Variants in PTPN14 observed in about 807,000 individuals in gnomAD.
PTPN14 encodes the protein tyrosine-protein phosphatase non-receptor type 14.
Under a neutral mutation model 126.8 loss-of-function variants are expected in PTPN14, and 53 were observed. That is an observed-to-expected ratio of 0.42 (90% CI 0.34 to 0.53). The LOEUF is 0.53. Among genes scored for constraint, PTPN14 ranks in the 20% least tolerant of loss-of-function variants. The probability of loss-of-function intolerance (pLI) is 0.08; values close to 1 mark genes in which losing one functional copy is unlikely to be tolerated. For missense variants in PTPN14, 1,257 were observed against 1,552.9 expected, an observed-to-expected ratio of 0.81 and a Z score of 3.20; for synonymous variants, 630 against 599.3, an observed-to-expected ratio of 1.05 and a Z score of -0.75.
chr1:214,516,323 C>T (rs1294291771), intron 1 of PTPN14, among the ~76,000 whole-genome samples: 2 of 152,150 alleles, frequency 1.3e-5, no homozygotes, highest in African/African-American at 4.8e-5. Flanking sequence ...ATGCAAGAGG[C>T]CAAGGTACCA....
At chr1:214,468,917 T>C (rs116794018) in intron 1 of PTPN14, among the ~76,000 whole-genome samples, 1 of 152,330 alleles carries the variant, frequency 6.6e-6, no homozygotes, top group African/African-American at 2.4e-5. Context: ...ATCTAGCTTA[T>C]GTTAAAAATA....
At chr1:214,434,833 CACA>C (rs1659876888) in intron 3 of PTPN14, among the ~76,000 whole-genome samples, 1 of 152,156 alleles carries the variant, frequency 6.6e-6, no homozygotes, top group Non-Finnish European at 1.5e-5. Context: ...GAGGATGTGG[CACA>C]GGATGCCATT....
At chr1:214,381,710 G>A (rs769764065) in intron 13 of PTPN14, among the ~76,000 whole-genome samples, 61 of 152,172 alleles carry the variant, frequency 4.0e-4, no homozygotes, top group Non-Finnish European at 7.1e-4. Context: ...AGGAAGACCT[G>A]GAAATGAAGG....
intron 1 of PTPN14, among the ~76,000 whole-genome samples, chr1:214,498,523 A>G (rs1201697862): frequency 6.6e-6 from 1 of 152,224 alleles, no homozygotes; most frequent in Non-Finnish European, 1.5e-5. Flanking sequence ...ACTGCCACAT[A>G]AACTTACCTA....
intron 1 of PTPN14, among the ~76,000 whole-genome samples, chr1:214,482,290 T>G (rs1327799140): frequency 7.4e-6 from 1 of 134,708 alleles, no homozygotes; most frequent in African/African-American, 2.5e-5. Flanking sequence ...CTAAAGTAGA[T>G]ATCAGGCAAA....
chr1:214,390,611 C>A (rs938015556), intron 11 of PTPN14, among the ~76,000 whole-genome samples: 1 of 152,184 alleles, frequency 6.6e-6, no homozygotes, highest in Non-Finnish European at 1.5e-5. Context: ...TAAGCTCTCT[C>A]TACGGCAGTG....
chr1:214,362,452 C>T (rs1391077860), intron 18 of PTPN14, among the ~76,000 whole-genome samples: 1 of 152,238 alleles, frequency 6.6e-6, no homozygotes, highest in Non-Finnish European at 1.5e-5. Flanking sequence ...CATTTAACCA[C>T]CCTGAGCCTT....
chr1:214,451,375 C>G (rs1264345890), intron 3 of PTPN14, among the ~76,000 whole-genome samples: 1 of 151,984 alleles, frequency 6.6e-6, no homozygotes, highest in Non-Finnish European at 1.5e-5. Flanking sequence ...GCTATGCTGC[C>G]CAGGCTGGTC....
In PTPN14 at chr1:214,384,373, G is replaced by A; in HGVS notation, c.1482C>T (p.His494=). 1 of 1,614,126 alleles carries A rather than the reference G, an allele frequency of 6.2e-7. No homozygotes were observed. The highest frequency in any genetic ancestry group is 8.5e-7 in the Non-Finnish European group (1 of 1,180,030). Residue 494 remains histidine, a synonymous_variant, in exon 13 of 19, where the codon CAC becomes CAT. Transcript: ENST00000366956. This position sits in a 1 kb window ranked among gnomAD's most constrained non-coding sequence, Gnocchi z 5.3. ...VYSQPEMRER[H]PYTVPYGPQG... Reference sequence around the variant, plus strand: ...GTGGCCCATAAGGGACAGTGTAGGGGTGCCTCTCCCGCATCTCCGGTTGGC... The same window carrying A: ...GTGGCCCATAAGGGACAGTGTAGGGATGCCTCTCCCGCATCTCCGGTTGGC...
intron 10 of PTPN14, among the ~76,000 whole-genome samples, chr1:214,391,736 G>GT (rs1324868913): frequency 6.8e-6 from 1 of 147,822 alleles, no homozygotes; most frequent in Admixed American, 6.8e-5. Flanking sequence ...GACATGTACA[G>GT]TTTTTTATTA....
intron 1 of PTPN14, among the ~76,000 whole-genome samples, chr1:214,525,403 T>TAA (rs1014362980): frequency 9.2e-5 from 14 of 152,222 alleles, no homozygotes; most frequent in Non-Finnish European, 1.6e-4. Flanking sequence ...CTGCATACGT[T>TAA]ATAGTCCCAT....
intron 1 of PTPN14, among the ~76,000 whole-genome samples, chr1:214,527,607 A>G (rs1436594729): frequency 1.3e-5 from 2 of 152,232 alleles, no homozygotes; most frequent in African/African-American, 4.8e-5. Context: ...TCTATTAACC[A>G]AAAACTTCTA....
At chr1:214,401,867 C>A in intron 6 of PTPN14, 95 bp from the exon 7 acceptor site, 1 of 1,022,596 alleles carries the variant, frequency 9.8e-7, no homozygotes. Flanking sequence ...TGTGGTTTAG[C>A]TCTAGTTTCT....
chr1:214,505,233 C>T (rs1038559661), intron 1 of PTPN14, among the ~76,000 whole-genome samples: 15 of 151,646 alleles, frequency 9.9e-5, no homozygotes. Context: ...CTAGATGACA[C>T]CTGACACCTA....
rs1290263102 is a variant in PTPN14, at chr1:214,355,985, G to A, written c.*1937C>T. ...TTTTTTTTTTTTTTTTTTGGAGGCA[G>A]GGTCTCTCCGTAGCCCAGCCTGGAC... is the stretch of plus-strand genomic sequence containing the variant. On this transcript the variant is annotated 3_prime_UTR_variant, in exon 19 of 19. Coordinates refer to ENST00000366956, the MANE Select transcript of PTPN14 (RefSeq NM_005401.5). 1 of 145,914 alleles carries A rather than the reference G, an allele frequency of 6.9e-6. No individual in the cohort carries two copies. The highest frequency in any genetic ancestry group is 2.6e-5 in the African/African-American group (1 of 38,870). The allele number at this position is 145,914 out of a possible 1,614,324, so 9.0% of individuals were successfully genotyped here.
At chr1:214,455,919 T>C (rs998902951) in intron 2 of PTPN14, among the ~76,000 whole-genome samples, 3 of 152,112 alleles carry the variant, frequency 2.0e-5, no homozygotes, top group African/African-American at 7.2e-5. Flanking sequence ...TTATGGGAAC[T>C]CTCCGTACCT....
intron 10 of PTPN14, 148 bp downstream of exon 10, chr1:214,393,547 T>C (rs1658807320): frequency 3.0e-6 from 2 of 669,716 alleles, no homozygotes; most frequent in South Asian, 3.9e-5. Flanking sequence ...AAAGTTTTCA[T>C]TCCTGCCCTG....
intron 15 of PTPN14, 142 bp from the exon 16 acceptor site, chr1:214,372,981 G>C (rs1281787439): frequency 8.6e-7 from 1 of 1,160,258 alleles, no homozygotes; most frequent in Non-Finnish European, 1.2e-6. Context: ...CAAAAACCCT[G>C]AGACTACAGA....
chr1:214,455,806 G>A (rs4451529), intron 2 of PTPN14, among the ~76,000 whole-genome samples: 139,189 of 152,224 alleles, frequency 0.91, 63,740 homozygotes, highest in African/African-American at 0.96. Flanking sequence ...TCAGTGGCAG[G>A]TTGGTGTGTG....
Sources: allele counts gnomAD v4.1 joint callset (sites outside exome capture counted in the v4.1 genomes callset), GRCh38; gene constraint gnomAD v4.1.1; non-coding constraint Gnocchi (gnomAD v3.1); transcripts MANE v1.5; gene names NCBI Gene and HGNC (gene_info 2026-07-23, HGNC 2026-07-21).